CSMD1: variants seen among roughly 807,000 people sequenced by gnomAD.
CSMD1 encodes CUB and sushi domain-containing protein 1.
A neutral mutation model predicts 417.5 loss-of-function variants in CSMD1; 213 were observed. The ratio of observed to expected loss-of-function variants is 0.51; its 90% CI spans 0.46 to 0.57. The LOEUF (loss-of-function observed/expected upper bound fraction) is 0.57, where lower values mean the gene tolerates loss of function less well. Ranked by LOEUF, CSMD1 falls within the 20% of genes least tolerant of loss-of-function variation. The probability of loss-of-function intolerance (pLI) is 0.00; values close to 1 mark genes in which losing one functional copy is unlikely to be tolerated. For synonymous variants in CSMD1, 2,862 were observed against 1,736.8 expected (o/e 1.65, Z -16.11); for missense variants, 6,923 against 4,529.7 (o/e 1.53, Z -15.17).
chr8:3,321,112 C>A (rs1040637248), intron 23 of CSMD1, among the ~76,000 whole-genome samples: 2 of 152,102 alleles, frequency 1.3e-5, no homozygotes, highest in Non-Finnish European at 1.5e-5. Flanking sequence ...TCAACCTAGC[C>A]ACCGAAGGCG....
At chr8:3,262,183 G>GA (rs143292375) in intron 26 of CSMD1, among the ~76,000 whole-genome samples, 845 of 54,700 alleles carry the variant, frequency 0.015, 23 homozygotes, top group Non-Finnish European at 0.02. Flanking sequence ...ATGCTCATAT[G>GA]AATATATATA....
intron 1 of CSMD1, among the ~76,000 whole-genome samples, chr8:4,883,451 A>C (rs918421560): frequency 2.6e-5 from 4 of 152,116 alleles, no homozygotes; most frequent in African/African-American, 9.7e-5. Flanking sequence ...TTATCATCCC[A>C]AAAAGAAATA....
At chr8:3,906,559 T>G (rs1320964719) in intron 5 of CSMD1, among the ~76,000 whole-genome samples, 1 of 150,644 alleles carries the variant, frequency 6.6e-6, no homozygotes, top group East Asian at 1.9e-4. Flanking sequence ...GGCAGAAATA[T>G]AAGCTGTACC....
intron 1 of CSMD1, among the ~76,000 whole-genome samples, chr8:4,776,146 T>A (rs1796842392): frequency 6.6e-6 from 1 of 151,840 alleles, no homozygotes; most frequent in Non-Finnish European, 1.5e-5. Context: ...AACACCAAGG[T>A]GAAGAAGAGA....
At chr8:3,975,536 C>T (rs2130125308) in intron 5 of CSMD1, among the ~76,000 whole-genome samples, 1 of 152,294 alleles carries the variant, frequency 6.6e-6, no homozygotes, top group East Asian at 1.9e-4. Flanking sequence ...GCTGCCATGG[C>T]TTCTCCCACT....
chr8:4,867,316 A>G (rs1585235504), intron 1 of CSMD1, among the ~76,000 whole-genome samples: 1 of 152,048 alleles, frequency 6.6e-6, no homozygotes, highest in East Asian at 1.9e-4. Context: ...CCCACTGTTT[A>G]TATCTTGTCA....
intron 29 of CSMD1, among the ~76,000 whole-genome samples, chr8:3,215,585 C>T (rs1328173112): frequency 6.6e-6 from 1 of 152,234 alleles, no homozygotes; most frequent in African/African-American, 2.4e-5. Flanking sequence ...TCACTTTTGG[C>T]TGCATTAAGT....
intron 10 of CSMD1, among the ~76,000 whole-genome samples, chr8:3,554,973 C>A (rs540337067): frequency 6.6e-6 from 1 of 152,054 alleles, no homozygotes; most frequent in South Asian, 2.1e-4. Flanking sequence ...GACACCTGGG[C>A]TCTTGTCAGA....
intron 11 of CSMD1, among the ~76,000 whole-genome samples, chr8:3,477,838 A>C (rs201919087): frequency 6.6e-6 from 1 of 152,180 alleles, no homozygotes; most frequent in East Asian, 1.9e-4. Context: ...TTCCCAGGAC[A>C]TGGTAGTTAC....
At chr8:4,748,863 G>T (rs1260318565) in intron 1 of CSMD1, among the ~76,000 whole-genome samples, 1 of 152,202 alleles carries the variant, frequency 6.6e-6, no homozygotes, top group Non-Finnish European at 1.5e-5. Context: ...GCCCCTTCAG[G>T]AGAGTTATTC....
At chr8:4,975,882 T>G (rs991994233) in intron 1 of CSMD1, among the ~76,000 whole-genome samples, 7 of 152,156 alleles carry the variant, frequency 4.6e-5, no homozygotes, top group African/African-American at 1.7e-4. Flanking sequence ...ATAAACCAAT[T>G]AGAGGATTAA....
Position 4,943,724 on chromosome 8 carries a change from A to T in CSMD1, c.85+50608T>A, listed in dbSNP as rs535407916. Among the ~76,000 whole-genome samples, 34 of 152,264 alleles carry T rather than the reference A, an allele frequency of 2.2e-4. No homozygotes were observed. The South Asian group carries it at 4.8e-3, about 21-fold the overall frequency. On this transcript the variant is annotated intron_variant, in intron 1 of 69. Transcript: ENST00000635120. Reference sequence around the variant, plus strand: ...ATGTCATTCCTAAAAACATTTGAAGATATCCATCATGATGTGATAAGCAAA... The same window carrying T: ...ATGTCATTCCTAAAAACATTTGAAGTTATCCATCATGATGTGATAAGCAAA...
chr8:4,260,981 G>A (rs1486830196), intron 3 of CSMD1, among the ~76,000 whole-genome samples: 1 of 152,048 alleles, frequency 6.6e-6, no homozygotes, highest in Non-Finnish European at 1.5e-5. Context: ...TGCCTCTTTT[G>A]TAAACAACGT....
intron 4 of CSMD1, among the ~76,000 whole-genome samples, chr8:4,027,076 G>C (rs1020057435): frequency 1.3e-5 from 2 of 152,180 alleles, no homozygotes; most frequent in African/African-American, 4.8e-5. Flanking sequence ...AGGCCAGCCA[G>C]GATAGGTCGG....
chr8:3,774,904 A>C (rs780150140), intron 5 of CSMD1, among the ~76,000 whole-genome samples: 1 of 152,120 alleles, frequency 6.6e-6, no homozygotes, highest in African/African-American at 2.4e-5. Context: ...ATGTCTTTTC[A>C]ATATGGTAAC....
intron 2 of CSMD1, among the ~76,000 whole-genome samples, chr8:4,424,311 T>C (rs972526328): frequency 1.3e-5 from 2 of 151,866 alleles, no homozygotes; most frequent in African/African-American, 4.8e-5. Context: ...GACAAGTATC[T>C]AGAATATACC....
intron 1 of CSMD1, among the ~76,000 whole-genome samples, chr8:4,759,350 G>A (rs775720599): frequency 6.6e-6 from 1 of 152,178 alleles, no homozygotes; most frequent in East Asian, 1.9e-4. Context: ...TGCCAATAAA[G>A]GGCAGTGGAC....
intron 11 of CSMD1, among the ~76,000 whole-genome samples, chr8:3,481,991 T>A (rs1404511721): frequency 2.6e-5 from 4 of 152,218 alleles, no homozygotes; most frequent in South Asian, 4.1e-4. Context: ...AAGTCACATA[T>A]GTTTATTGTA....
chr8:3,316,225 A>T (rs1328313133), intron 23 of CSMD1, among the ~76,000 whole-genome samples: 1 of 152,234 alleles, frequency 6.6e-6, no homozygotes, highest in South Asian at 2.1e-4. Context: ...GGTGCTAACT[A>T]TATACTGTAT....
Sources: allele counts gnomAD v4.1 joint callset (sites outside exome capture counted in the v4.1 genomes callset), GRCh38; gene constraint gnomAD v4.1.1; transcripts MANE v1.5; gene names NCBI Gene and HGNC (gene_info 2026-07-23, HGNC 2026-07-21).